Variants in REV3L observed in about 807,000 individuals in gnomAD.
The protein encoded by REV3L is REV3 like, DNA directed polymerase zeta catalytic subunit, also known as DNA polymerase zeta catalytic subunit.
REV3L carries 69 observed loss-of-function variants against 299.4 expected under a neutral mutation model. The ratio of observed to expected loss-of-function variants is 0.23; its 90% CI spans 0.19 to 0.28. The LOEUF is 0.28. REV3L is among the 10% of genes least tolerant of loss of function. REV3L has a pLI of 1.00. For synonymous variants in REV3L, 1,238 were observed against 1,271.4 expected, an observed-to-expected ratio of 0.97 and a Z score of 0.56; for missense variants, 3,128 against 3,693.8, an observed-to-expected ratio of 0.85 and a Z score of 3.97.
intron 1 of REV3L, among the ~76,000 whole-genome samples, chr6:111,465,056 G>C (rs1284990853): frequency 6.6e-6 from 1 of 150,484 alleles, no homozygotes; most frequent in East Asian, 2.0e-4. Context: ...CACACTAAAG[G>C]AAAGGGTAAA....
chr6:111,382,099 A>C (rs996165530), intron 9 of REV3L, among the ~76,000 whole-genome samples: 78 of 152,194 alleles, frequency 5.1e-4, no homozygotes, highest in African/African-American at 1.6e-3. Context: ...TTTTTCAGAA[A>C]GCTTTCATTA....
intron 1 of REV3L, among the ~76,000 whole-genome samples, chr6:111,455,077 A>G (rs1013494995): frequency 4.6e-5 from 7 of 152,226 alleles, no homozygotes; most frequent in Non-Finnish European, 8.8e-5. Flanking sequence ...CAAGTCAGAC[A>G]TGTTAAAAAC....
intron 8 of REV3L, 30 bp from the exon 9 acceptor site, chr6:111,387,943 A>G: frequency 6.2e-7 from 1 of 1,610,058 alleles, no homozygotes; most frequent in African/African-American, 1.3e-5. Context: ...CCTTTATAAC[A>G]GACTACATAA....
At position 111,387,932 on chromosome 6, in the gene REV3L, T is replaced by A; in HGVS notation, c.948-19A>T. 6.2e-7 allele frequency: 1 copy of A among 1,613,116 alleles called. No individual in the cohort carries two copies. Among genetic ancestry groups the A allele is most frequent in the Non-Finnish European group, 8.5e-7 (1 of 1,179,210 alleles). ...TAATGTTCTGCTTAATTAAAACATA[T>A]CCTTTATAACAGACTACATAACAAA... On this transcript the variant is annotated intron_variant, in intron 8 of 31. Coordinates refer to ENST00000368802, the MANE Select transcript of REV3L (RefSeq NM_001372078.1).
At chr6:111,400,650 C>T (rs1782994279) in intron 4 of REV3L, among the ~76,000 whole-genome samples, 1 of 152,290 alleles carries the variant, frequency 6.6e-6, no homozygotes, top group Admixed American at 6.5e-5. Context: ...CATTTTCTCC[C>T]AGTCCATGAC....
At chr6:111,304,829 AT>A (rs2114693721) in intron 31 of REV3L, among the ~76,000 whole-genome samples, 1 of 151,904 alleles carries the variant, frequency 6.6e-6, no homozygotes, top group South Asian at 2.1e-4. Context: ...CCCAATGTTC[AT>A]TATATGTGAG....
Position 111,374,450 on chromosome 6 carries a change from C to T in REV3L, c.3905G>A (p.Ser1302Asn). The change falls in exon 13 of 32, where the codon AGC becomes AAC. Residue 1302 changes from serine to asparagine, a missense_variant. Physicochemically the swap from Ser to Asn is conservative, Grantham distance 46. Around this residue, in one of 9 missense-constraint regions of REV3L, gnomAD observed 2,409 missense variants for 2,611.8 expected, o/e 0.92. Coordinates refer to ENST00000368802, the MANE Select transcript of REV3L (RefSeq NM_001372078.1). ...LSGCFSSFLESKKSVDLQTFP... is the reference protein window; with the variant it reads ...LSGCFSSFLENKKSVDLQTFP... Reference sequence around the variant, plus strand: ...TGTCTGCAAATCTACAGACTTCTTGCTTTCTAAGAAAGAAGAAAAGCAGCC... The same window carrying T: ...TGTCTGCAAATCTACAGACTTCTTGTTTTCTAAGAAAGAAGAAAAGCAGCC... 1 of 1,613,926 alleles carries T rather than the reference C, an allele frequency of 6.2e-7. No homozygotes were observed. The highest frequency in any genetic ancestry group is 8.5e-7 in the Non-Finnish European group (1 of 1,179,896).
intron 16 of REV3L, among the ~76,000 whole-genome samples, chr6:111,361,077 T>G (rs947873008): frequency 6.6e-6 from 1 of 152,040 alleles, no homozygotes; most frequent in African/African-American, 2.4e-5. Context: ...ACAACCAGTT[T>G]CATTAGAAAG....
Position 111,367,645 on chromosome 6 carries a change from A to G in REV3L, c.6143T>C (p.Val2048Ala). Reference protein sequence around the residue: ...SSSVNPDDKPVVPPKMDVSPC... With the variant: ...SSSVNPDDKPAVPPKMDVSPC... ...ACTTACATCCATTTTTGGAGGCACT[A>G]CAGGTTTGTCATCTGGGTTAACTGA... Residue 2048 changes from valine to alanine, a missense_variant, in exon 14 of 32, where the codon GTA becomes GCA. Physicochemically the swap from Val to Ala is moderately conservative, Grantham distance 64. Around this residue, in one of 9 missense-constraint regions of REV3L, gnomAD observed 2,409 missense variants for 2,611.8 expected, o/e 0.92. Coordinates refer to ENST00000368802, the MANE Select transcript of REV3L (RefSeq NM_001372078.1). The G allele has an allele frequency of 1.2e-6, 2 of 1,614,170 alleles. No individual in the cohort carries two copies. The highest frequency in any genetic ancestry group is 1.7e-6 in the Non-Finnish European group (2 of 1,180,028).
intron 6 of REV3L, 24 bp from the exon 7 acceptor site, chr6:111,389,234 T>TACTAC: frequency 6.5e-7 from 1 of 1,532,406 alleles, no homozygotes; most frequent in Non-Finnish European, 9.0e-7. Context: ...AATACTTCAA[T>TACTAC]ACTACAGGGT....
At chr6:111,427,159 G>A (rs1174564042) in intron 1 of REV3L, among the ~76,000 whole-genome samples, 1 of 152,012 alleles carries the variant, frequency 6.6e-6, no homozygotes, top group African/African-American at 2.4e-5. Flanking sequence ...ATACCTAAAT[G>A]CTCCTTCAAA....
In REV3L at chr6:111,380,197, A is replaced by C. The variant is rs201173112; in HGVS notation, c.1239T>G (p.Ala413=). ...PVFMDSSPDE[A]LVHLLAGLES... ...CCAAACCAGCAAGAAGATGTACCAGAGCCTCATCAGGACTACTGTCCACTA... is the reference window on the plus strand; with the variant it reads ...CCAAACCAGCAAGAAGATGTACCAGCGCCTCATCAGGACTACTGTCCACTA... The change falls in exon 11 of 32, where the codon GCT becomes GCG. Residue 413 remains alanine (A), a synonymous_variant. Coordinates refer to ENST00000368802, the MANE Select transcript of REV3L (RefSeq NM_001372078.1). The C allele has an allele frequency of 1.2e-5, 20 of 1,613,374 alleles. No individual in the cohort carries two copies. The African/African-American group carries it at 2.4e-4, about 19-fold the overall frequency.
intron 1 of REV3L, chr6:111,430,137 C>G: frequency 1.3e-6 from 1 of 786,512 alleles, no homozygotes; most frequent in Non-Finnish European, 2.3e-6. Context: ...AGAAAAAGAC[C>G]TCCAGTGTCA....
chr6:111,424,211 A>G (rs1369417054), intron 1 of REV3L, among the ~76,000 whole-genome samples: 4 of 152,244 alleles, frequency 2.6e-5, no homozygotes. Flanking sequence ...TGAAAATTTG[A>G]TAATATAAAC....
intron 2 of REV3L, among the ~76,000 whole-genome samples, chr6:111,413,432 A>G (rs1303771785): frequency 6.6e-6 from 1 of 152,148 alleles, no homozygotes; most frequent in Non-Finnish European, 1.5e-5. Flanking sequence ...ATTTTGATGG[A>G]TTGAGAATCT....
chr6:111,426,138 A>G (rs1298790416), intron 1 of REV3L, among the ~76,000 whole-genome samples: 1 of 152,226 alleles, frequency 6.6e-6, no homozygotes, highest in Admixed American at 6.5e-5. Flanking sequence ...TGAAGTGAGC[A>G]GTACTATCGG....
intron 25 of REV3L, among the ~76,000 whole-genome samples, chr6:111,325,093 C>A: frequency 6.6e-6 from 1 of 152,152 alleles, no homozygotes; most frequent in East Asian, 1.9e-4. Context: ...GGTCTCCTGA[C>A]CTCGTGATCC....
chr6:111,331,662 C>T lies in REV3L; in HGVS notation c.8034+14G>A. On this transcript the variant is annotated intron_variant, in intron 24 of 31. Coordinates refer to ENST00000368802, the MANE Select transcript of REV3L (RefSeq NM_001372078.1). ...AGCCATAGTTGTTATCTTTCATTTA[C>T]AAGAGAGTATTACCTTGACAAAAGC... 1 of 1,544,750 alleles carries T rather than the reference C, an allele frequency of 6.5e-7. No homozygotes were observed. Among genetic ancestry groups the T allele is most frequent in the Non-Finnish European group, 8.9e-7 (1 of 1,120,024 alleles).
intron 26 of REV3L, among the ~76,000 whole-genome samples, chr6:111,316,639 C>G (rs1773555294): frequency 6.8e-6 from 1 of 148,148 alleles, no homozygotes; most frequent in Non-Finnish European, 1.5e-5. Context: ...GCACTCCAGT[C>G]TGGGTGACAG....
Sources: allele counts gnomAD v4.1 joint callset (sites outside exome capture counted in the v4.1 genomes callset), GRCh38; gene constraint gnomAD v4.1.1; regional missense constraint gnomAD v4.1.1; transcripts MANE v1.5; gene names NCBI Gene and HGNC (gene_info 2026-07-23, HGNC 2026-07-21).